The following FSIP1 variants were observed in gnomAD, a reference collection of about 807,000 sequenced individuals.
FSIP1 encodes the protein fibrous sheath interacting protein 1, also known as fibrous sheath-interacting protein 1.
Under a neutral mutation model 60.9 loss-of-function variants are expected in FSIP1, and 65 were observed. The ratio of observed to expected loss-of-function variants is 1.07; its 90% confidence interval spans 0.87 to 1.31. The LOEUF is 1.31. FSIP1 is among the 40% of genes most tolerant of loss of function. FSIP1 has a pLI of 0.00. For missense variants in FSIP1, 675 were observed against 665.5 expected (o/e 1.01, Z -0.16); for synonymous variants, 209 against 221.2 (o/e 0.94, Z 0.49).
chr15:39,673,643 A>G (rs1893809258), intron 10 of FSIP1, among the ~76,000 whole-genome samples: 1 of 152,092 alleles, frequency 6.6e-6, no homozygotes, highest in African/African-American at 2.4e-5. Context: ...TCTCTCCTTA[A>G]TGGTCCATGC....
chr15:39,738,000 A>C (rs1384498651), intron 8 of FSIP1, 91 bp downstream of exon 8: 1 of 771,566 alleles, frequency 1.3e-6, no homozygotes, highest in Non-Finnish European at 2.0e-6. Flanking sequence ...GAATCCGAAA[A>C]ATTATTGTAA....
rs145447896 is a variant in FSIP1, at chr15:39,617,914, A to G, written c.1520T>C (p.Leu507Pro). 2.5e-4 allele frequency: 408 copies of G among 1,614,172 alleles called. 2 individuals are homozygous for G. The African/African-American group carries it at 4.9e-3, about 20-fold the overall frequency. ...LVTEAENMKCLQFSKDVIISD... is the reference protein window; with the variant it reads ...LVTEAENMKCPQFSKDVIISD... ...AATAATAACGTCCTTGGAAAATTGA[A>G]GGCATTTCATATTCTCTGCTTCAGT... The change falls in exon 11 of 12, where the codon CTT (leucine) becomes CCT (proline). Residue 507 changes from leucine to proline, a missense_variant. Leu to Pro is a moderately conservative substitution (Grantham distance 98). Coordinates refer to ENST00000350221, the MANE Select transcript of FSIP1 (RefSeq NM_152597.5).
chr15:39,741,487 G>T (rs1203333308), intron 6 of FSIP1, among the ~76,000 whole-genome samples: 1 of 152,174 alleles, frequency 6.6e-6, no homozygotes, highest in African/African-American at 2.4e-5. Context: ...ATGCTCTTGG[G>T]AACCAAAGAA....
rs116174491 is a variant in FSIP1 at position 39,685,866 on chromosome 15, C to A, written c.1188+27578G>T. 9.2e-3 allele frequency among the ~76,000 whole-genome samples: 1,402 copies of A among 152,236 alleles called. 26 individuals are homozygous for A. Among genetic ancestry groups the A allele is most frequent in the African/African-American group, 0.032 (1,344 of 41,550 alleles). On this transcript the variant is annotated intron_variant, in intron 10 of 11. Coordinates refer to ENST00000350221, the MANE Select transcript of FSIP1 (RefSeq NM_152597.5). ...CTTTAGCTGTGTCCCACGATACACT[C>A]CAGACATTCTGCATGCTCTCTGTAC...
chr15:39,764,753 C>G (rs922407685), intron 4 of FSIP1, among the ~76,000 whole-genome samples: 1 of 152,150 alleles, frequency 6.6e-6, no homozygotes, highest in South Asian at 2.1e-4. Context: ...GGTCCCAGAC[C>G]TCAAGCACTT....
intron 10 of FSIP1, among the ~76,000 whole-genome samples, chr15:39,705,476 T>C (rs187908297): frequency 5.9e-5 from 9 of 152,270 alleles, no homozygotes; most frequent in Non-Finnish European, 1.3e-4. Flanking sequence ...AAGAGAATGA[T>C]ATAATAAAAT....
At chr15:39,696,453 G>C (rs1205474766) in intron 10 of FSIP1, among the ~76,000 whole-genome samples, 5 of 152,134 alleles carry the variant, frequency 3.3e-5, no homozygotes, top group Admixed American at 3.3e-4. Flanking sequence ...TTTAAACTCT[G>C]AGATTGGCAG....
chr15:39,726,364 T>C (rs1023002768), intron 9 of FSIP1, among the ~76,000 whole-genome samples: 1 of 152,054 alleles, frequency 6.6e-6, no homozygotes, highest in African/African-American at 2.4e-5. Flanking sequence ...GCTTAAATCA[T>C]AGAGATATAA....
At chr15:39,726,058 C>T (rs1034916883) in intron 9 of FSIP1, among the ~76,000 whole-genome samples, 1 of 152,134 alleles carries the variant, frequency 6.6e-6, no homozygotes, top group African/African-American at 2.4e-5. Context: ...TCCCAAAGTG[C>T]TGGGATTATA....
At chr15:39,715,517 T>C (rs1365777304) in intron 9 of FSIP1, among the ~76,000 whole-genome samples, 2 of 152,212 alleles carry the variant, frequency 1.3e-5, no homozygotes, top group Non-Finnish European at 2.9e-5. Flanking sequence ...AAACTAGCAA[T>C]GAATTTCAGT....
Position 39,777,110 on chromosome 15 carries a change from T to C in FSIP1, c.-7-579A>G, listed in dbSNP as rs147885551. 1.1e-3 allele frequency among the ~76,000 whole-genome samples: 170 copies of C among 152,224 alleles called. 5 individuals are homozygous for C. In the East Asian group the frequency reaches 0.03, roughly 26 times the overall value. On this transcript the variant is annotated intron_variant, in intron 1 of 11. Coordinates refer to ENST00000350221, the MANE Select transcript of FSIP1 (RefSeq NM_152597.5). ...CCCAGCTAATTATAGTATTTTTTTT[T>C]TTTAGTAGAGACGGGGTTTCGCCAT...
intron 5 of FSIP1, among the ~76,000 whole-genome samples, chr15:39,759,924 C>A (rs1316309431): frequency 6.6e-6 from 1 of 152,104 alleles, no homozygotes; most frequent in Non-Finnish European, 1.5e-5. Flanking sequence ...TCTGCAAAGA[C>A]CCTTTTTCCA....
intron 1 of FSIP1, among the ~76,000 whole-genome samples, chr15:39,779,874 ATCC>A (rs991789110): frequency 3.9e-5 from 6 of 152,232 alleles, no homozygotes; most frequent in African/African-American, 1.4e-4. Context: ...AAGAAAATGA[ATCC>A]TCCTCTGTTT....
intron 10 of FSIP1, among the ~76,000 whole-genome samples, chr15:39,699,588 C>A (rs1026223698): frequency 6.6e-6 from 1 of 152,154 alleles, no homozygotes; most frequent in African/African-American, 2.4e-5. Context: ...GCTTAGAAAA[C>A]TTTATCCACC....
At chr15:39,667,626 A>G (rs1595592269) in intron 10 of FSIP1, among the ~76,000 whole-genome samples, 1 of 152,106 alleles carries the variant, frequency 6.6e-6, no homozygotes, top group African/African-American at 2.4e-5. Flanking sequence ...AAAGGAACAC[A>G]TTATTACCTC....
At chr15:39,751,418 AACACACACACACACAC>A (rs3065153) in intron 5 of FSIP1, among the ~76,000 whole-genome samples, 44 of 144,860 alleles carry the variant, frequency 3.0e-4, no homozygotes, top group Admixed American at 2.9e-3. Context: ...GTAATACATA[AACACACACACACACAC>A]ACACACACAC....
intron 10 of FSIP1, among the ~76,000 whole-genome samples, chr15:39,691,879 T>C (rs904487018): frequency 2.0e-4 from 30 of 152,078 alleles, no homozygotes; most frequent in South Asian, 1.9e-3. Context: ...AGGGGGTAGA[T>C]AGATAGATAG....
intron 10 of FSIP1, among the ~76,000 whole-genome samples, chr15:39,679,264 AC>A (rs1191445101): frequency 2.0e-5 from 3 of 152,200 alleles, no homozygotes; most frequent in Non-Finnish European, 4.4e-5. Flanking sequence ...GGAATAAGGA[AC>A]CCTGAATATC....
intron 11 of FSIP1, among the ~76,000 whole-genome samples, chr15:39,616,501 G>T (rs1349293500): frequency 6.6e-6 from 1 of 152,170 alleles, no homozygotes; most frequent in East Asian, 1.9e-4. Context: ...GAGAGGATAA[G>T]GTTGGAATTC....
Sources: gnomAD v4.1 joint callset for allele counts (sites outside exome capture counted in the v4.1 genomes callset) on GRCh38, gnomAD v4.1.1 for gene constraint, MANE v1.5 for transcripts, NCBI Gene and HGNC (gene_info 2026-07-23, HGNC 2026-07-21) for gene names.